TANC2: variants seen among roughly 807,000 people sequenced by gnomAD.
TANC2 encodes tetratricopeptide repeat, ankyrin repeat and coiled-coil containing 2.
TANC2 carries 26 observed loss-of-function variants against 210.5 expected under a neutral mutation model. That is an observed-to-expected ratio of 0.12 (90% confidence interval 0.09 to 0.17). The LOEUF (loss-of-function observed/expected upper bound fraction) is 0.17, where lower values mean the gene tolerates loss of function less well. Ranked by LOEUF, TANC2 falls within the 10% of genes least tolerant of loss-of-function variation. The pLI, the probability that TANC2 is intolerant of heterozygous loss-of-function variation, is 1.00. For synonymous variants in TANC2, 931 were observed against 967.1 expected (o/e 0.96, Z 0.69); for missense variants, 2,129 against 2,608.9 (o/e 0.82, Z 4.01).
intron 5 of TANC2, among the ~76,000 whole-genome samples, chr17:63,157,704 T>A (rs989203414): frequency 2.6e-5 from 4 of 152,084 alleles, no homozygotes; most frequent in Non-Finnish European, 5.9e-5. Flanking sequence ...AAAATAAAAA[T>A]ATAAACATAC....
At chr17:63,104,424 T>C (rs528899050) in intron 4 of TANC2, among the ~76,000 whole-genome samples, 28 of 152,292 alleles carry the variant, frequency 1.8e-4, no homozygotes, top group African/African-American at 6.7e-4. Flanking sequence ...ATACATACTT[T>C]GGGTAGGGGT....
chr17:63,379,955 A>G (rs2047552080), intron 15 of TANC2, 129 bp downstream of exon 15: 1 of 694,542 alleles, frequency 1.4e-6, no homozygotes. Flanking sequence ...TTCATCTCCC[A>G]ACACGTATGG....
chr17:63,120,646 T>G (rs1475746060), intron 4 of TANC2: 1 of 151,370 alleles, frequency 6.6e-6, no homozygotes, highest in Non-Finnish European at 1.5e-5. Context: ...AACCCTGTCT[T>G]TACAAAAAAT....
intron 2 of TANC2, among the ~76,000 whole-genome samples, chr17:63,058,302 T>G (rs921430071): frequency 7.9e-5 from 12 of 152,160 alleles, no homozygotes; most frequent in Admixed American, 2.0e-4. Flanking sequence ...TTAAGTTTCT[T>G]ATACATGCCG....
intron 14 of TANC2, among the ~76,000 whole-genome samples, chr17:63,376,815 T>C (rs2047438053): frequency 7.9e-6 from 1 of 125,964 alleles, no homozygotes; most frequent in South Asian, 2.5e-4. Flanking sequence ...CACTGTACTC[T>C]TTTTTTTTTT....
chr17:63,015,381 A>G (rs1027292105), intron 2 of TANC2, among the ~76,000 whole-genome samples: 1 of 152,008 alleles, frequency 6.6e-6, no homozygotes, highest in African/African-American at 2.4e-5. Context: ...GGTTTGTTAC[A>G]TATGTATGCA....
chr17:63,166,477 C>T (rs1038909953), intron 5 of TANC2, among the ~76,000 whole-genome samples: 2 of 152,162 alleles, frequency 1.3e-5, no homozygotes, highest in Admixed American at 6.5e-5. Flanking sequence ...ATCACTTAAT[C>T]GTAGAAGCAT....
At chr17:63,115,113 A>G (rs2038203370) in intron 4 of TANC2, among the ~76,000 whole-genome samples, 1 of 152,204 alleles carries the variant, frequency 6.6e-6, no homozygotes, top group East Asian at 1.9e-4. Context: ...ATATTGAATA[A>G]TTAGTATTCT....
chr17:63,140,753 T>G (rs2039259916), intron 4 of TANC2, among the ~76,000 whole-genome samples: 2 of 152,198 alleles, frequency 1.3e-5, no homozygotes, highest in African/African-American at 4.8e-5. Context: ...AAACAGTTTT[T>G]TGTTTTGTTT....
chr17:62,999,704 T>A (rs1472559374), intron 1 of TANC2, among the ~76,000 whole-genome samples: 1 of 152,160 alleles, frequency 6.6e-6, no homozygotes, highest in Non-Finnish European at 1.5e-5. Context: ...TCTTCCACTG[T>A]GGCCCGGGAA....
At chr17:63,199,659 A>G (rs1567808474) in intron 6 of TANC2, among the ~76,000 whole-genome samples, 1 of 152,332 alleles carries the variant, frequency 6.6e-6, no homozygotes, top group East Asian at 1.9e-4. Context: ...GTGTTTGAAA[A>G]AATATACTTT....
intron 4 of TANC2, among the ~76,000 whole-genome samples, chr17:63,116,764 A>G (rs931029004): frequency 1.3e-4 from 20 of 152,242 alleles, no homozygotes; most frequent in African/African-American, 4.1e-4. Context: ...GTATTTAAAA[A>G]TGAATTTTCT....
At chr17:63,225,468 A>G (rs1412645675) in intron 7 of TANC2, among the ~76,000 whole-genome samples, 6 of 152,174 alleles carry the variant, frequency 3.9e-5, no homozygotes, top group African/African-American at 1.2e-4. Flanking sequence ...CTGACTCTCT[A>G]TTCTCCTGAG....
chr17:63,188,291 C>T (rs563295721), intron 5 of TANC2, among the ~76,000 whole-genome samples: 34 of 135,890 alleles, frequency 2.5e-4, no homozygotes, highest in African/African-American at 8.3e-4. Flanking sequence ...AAGCTGAGAC[C>T]CCATCTCTTA....
chr17:63,375,360 C>T (rs891029195), intron 14 of TANC2, among the ~76,000 whole-genome samples: 8 of 152,216 alleles, frequency 5.3e-5, no homozygotes, highest in African/African-American at 1.9e-4. Context: ...TTATCTCTAG[C>T]CAGCTGAAAT....
At chr17:63,169,746 G>A (rs778756809) in intron 5 of TANC2, among the ~76,000 whole-genome samples, 31 of 151,878 alleles carry the variant, frequency 2.0e-4, no homozygotes, top group Admixed American at 1.1e-3. Flanking sequence ...CCCGGGAGGC[G>A]GAGATTACAG....
At position 63,187,126 on chromosome 17, in the gene TANC2, T is replaced by C. The variant is rs541722269; in HGVS notation, c.434-6865T>C. On this transcript the variant is annotated intron_variant, in intron 5 of 27. Coordinates refer to ENST00000689528, the Ensembl canonical transcript of TANC2. ...GATGACTTGAGAAATTTTGAGAGTT[T>C]TGAGCAAATTCAGTGGGCAGAGGGG... 2.7e-4 allele frequency among the ~76,000 whole-genome samples: 41 copies of C among 152,252 alleles called. 1 individual carries two copies. The South Asian group carries it at 8.5e-3, about 32-fold the overall frequency.
chr17:63,023,927 T>C (rs1039195085), intron 2 of TANC2, among the ~76,000 whole-genome samples: 1 of 152,210 alleles, frequency 6.6e-6, no homozygotes, highest in Non-Finnish European at 1.5e-5. Context: ...AATTCTGTAA[T>C]AGTGCTTCTC....
chr17:63,283,078 T>C (rs1378024647), intron 9 of TANC2, among the ~76,000 whole-genome samples: 2 of 152,080 alleles, frequency 1.3e-5, no homozygotes, highest in East Asian at 3.9e-4. Context: ...TGTAGTTTTA[T>C]GTTTTACATT....
Sources: gnomAD v4.1 joint callset for allele counts (sites outside exome capture counted in the v4.1 genomes callset) on GRCh38, gnomAD v4.1.1 for gene constraint, MANE v1.5 for transcripts, NCBI Gene and HGNC (gene_info 2026-07-23, HGNC 2026-07-21) for gene names.